Variants in C9 observed in about 807,000 individuals in gnomAD.
C9 encodes complement component C9.
Under a neutral mutation model 65.4 loss-of-function variants are expected in C9, and 63 were observed. The ratio of observed to expected loss-of-function variants is 0.96; its 90% CI spans 0.79 to 1.19. C9 has a LOEUF of 1.19. C9 is among the 50% of genes most tolerant of loss of function. The probability of loss-of-function intolerance (pLI) is 0.00; values close to 1 mark genes in which losing one functional copy is unlikely to be tolerated. For synonymous variants in C9, 229 were observed against 227.9 expected, an observed-to-expected ratio of 1.00 and a Z score of -0.04; for missense variants, 744 against 670.1, an observed-to-expected ratio of 1.11 and a Z score of -1.22.
chr5:39,315,751 C>G, intron 6 of C9, 24 bp downstream of exon 6: 1 of 1,535,002 alleles, frequency 6.5e-7, no homozygotes, highest in Non-Finnish European at 9.0e-7. Flanking sequence ...TTTCTATATT[C>G]CTATATTAAC....
intron 10 of C9, 29 bp downstream of exon 10, chr5:39,288,694 T>C (rs1463574436): frequency 2.3e-6 from 3 of 1,315,960 alleles, no homozygotes; most frequent in Non-Finnish European, 3.3e-6. Flanking sequence ...TATTTTTGTC[T>C]TTAATCACAT....
intron 9 of C9, among the ~76,000 whole-genome samples, chr5:39,292,348 CA>C (rs570308683): frequency 4.8e-4 from 71 of 149,038 alleles, no homozygotes; most frequent in African/African-American, 1.6e-3. Flanking sequence ...CAAAACAAAA[CA>C]AAAAAAAATC....
At chr5:39,347,805 C>T (rs1579876649) in intron 1 of C9, among the ~76,000 whole-genome samples, 2 of 152,268 alleles carry the variant, frequency 1.3e-5, no homozygotes, top group South Asian at 4.1e-4. Context: ...CAGCATGGTA[C>T]TGGTACCAAA....
In C9 at chr5:39,354,796, A is replaced by G. The variant is rs1010603698; in HGVS notation, c.77+9592T>C. 3.3e-5 allele frequency among the ~76,000 whole-genome samples: 5 copies of G among 152,232 alleles called. No individual in the cohort carries two copies. In the South Asian group the frequency reaches 8.3e-4, roughly 25 times the overall value. On this transcript the variant is annotated intron_variant, in intron 1 of 10. Coordinates refer to ENST00000263408, the MANE Select transcript of C9 (RefSeq NM_001737.5). ...CCCCCTGCATAGCTAATAATAGGAA[A>G]TTAATAAATATTTGATGAATGAATA...
chr5:39,335,699 G>A (rs1233163646), intron 4 of C9, among the ~76,000 whole-genome samples: 1 of 152,178 alleles, frequency 6.6e-6, no homozygotes, highest in African/African-American at 2.4e-5. Context: ...ATCCCTGATG[G>A]GTAGAAAGGG....
In C9 at chr5:39,301,923, T is replaced by C. The variant is rs866839098; in HGVS notation, c.1416+4694A>G. On this transcript the variant is annotated intron_variant, in intron 9 of 10. Coordinates refer to ENST00000263408, the MANE Select transcript of C9 (RefSeq NM_001737.5). ...AGAAGGAAACCTCTCACCAACATTG[T>C]CACATTGGCACAAACAACATAGGCA... is the stretch of plus-strand genomic sequence containing the variant. Among the ~76,000 whole-genome samples the C allele has an allele frequency of 6.6e-5, 10 of 152,230 alleles. No homozygotes were observed. The South Asian group carries it at 8.3e-4, about 13-fold the overall frequency.
rs183108180 is a variant in C9, at chr5:39,285,162, T to C, written c.*37A>G. 3.7e-5 allele frequency: 58 copies of C among 1,588,136 alleles called. No homozygotes were observed. In the East Asian group the frequency reaches 1.1e-3, roughly 31 times the overall value. ...GGGTAGGATCTGAAGGTACTAGTGT[T>C]TTCTTCTTCCACTGGAGCTCAGAGA... On this transcript the variant is annotated 3_prime_UTR_variant, in exon 11 of 11. Transcript: ENST00000263408.
At chr5:39,311,918 A>C (rs2111888578) in intron 6 of C9, among the ~76,000 whole-genome samples, 1 of 152,350 alleles carries the variant, frequency 6.6e-6, no homozygotes, top group South Asian at 2.1e-4. Context: ...ACTGAGTAAA[A>C]GAAGTCAGAC....
At chr5:39,305,831 C>G (rs1347321668) in intron 9 of C9, among the ~76,000 whole-genome samples, 1 of 152,006 alleles carries the variant, frequency 6.6e-6, no homozygotes, top group Non-Finnish European at 1.5e-5. Flanking sequence ...CACCGTTAGT[C>G]TTATTTTCTT....
chr5:39,306,797 G>A lies in C9; in HGVS notation c.1241-5C>T, dbSNP rs1403253662. 3.7e-6 allele frequency: 6 copies of A among 1,603,294 alleles called. No individual in the cohort carries two copies. In the African/African-American group the frequency reaches 4.0e-5, roughly 11 times the overall value. ...GGTTTTCACTGGTGATGTTTACTGA[G>A]GAGAGAAGGAAGATTTAAAGAGAAG... is the stretch of plus-strand genomic sequence containing the variant. On this transcript the variant is annotated splice_polypyrimidine_tract_variant and splice_region_variant and intron_variant, in intron 8 of 10. Coordinates refer to ENST00000263408, the MANE Select transcript of C9 (RefSeq NM_001737.5).
intron 1 of C9, among the ~76,000 whole-genome samples, chr5:39,357,991 G>A (rs935791612): frequency 6.6e-6 from 1 of 152,036 alleles, no homozygotes; most frequent in Non-Finnish European, 1.5e-5. Flanking sequence ...TATTCCTAAA[G>A]ACACCCAGTT....
chr5:39,294,939 CA>C (rs750401133), intron 9 of C9, among the ~76,000 whole-genome samples: 2 of 151,690 alleles, frequency 1.3e-5, no homozygotes, highest in Non-Finnish European at 3.0e-5. Context: ...AACATCACAT[CA>C]GCAAAATTAT....
At chr5:39,364,287 CATGTGGATTAACATTG>C in intron 1 of C9, 85 bp downstream of exon 1, 1 of 741,420 alleles carries the variant, frequency 1.3e-6, no homozygotes, top group Non-Finnish European at 2.5e-6. Context: ...TGTATATTGC[CATGTGGATTAACATTG>C]TCATGTACTT....
intron 1 of C9, among the ~76,000 whole-genome samples, chr5:39,342,799 A>C (rs1181427672): frequency 6.6e-6 from 1 of 152,092 alleles, no homozygotes; most frequent in Non-Finnish European, 1.5e-5. Context: ...TTAACATCAT[A>C]TATTTTGGCA....
intron 7 of C9, among the ~76,000 whole-genome samples, chr5:39,309,607 G>A (rs1352880105): frequency 6.6e-6 from 1 of 152,142 alleles, no homozygotes; most frequent in Non-Finnish European, 1.5e-5. Flanking sequence ...AGATGAGGGT[G>A]AAAGATAACC....
rs141625765 is a variant in C9 at position 39,315,994 on chromosome 5, G to T, written c.651C>A (p.Tyr217Ter). The part of the protein sequence containing the change: ...KGEKNFRTEH[Y>*]EEQIEAFKSI... ...TTTTAAATGCTTCAATTTGTTCTTC[G>T]TAATGTTCGGTTCTGAAATTTTTCT... Residue 217 changes from tyrosine to a stop codon, truncating the protein, a stop_gained, in exon 6 of 11, where the codon TAC becomes TAA. Transcript: ENST00000263408. LOFTEE classifies it high-confidence loss of function. 1.9e-6 allele frequency: 3 copies of T among 1,611,966 alleles called. No homozygotes were observed. The highest frequency in any genetic ancestry group is 2.5e-6 in the Non-Finnish European group (3 of 1,178,680).
intron 5 of C9, among the ~76,000 whole-genome samples, chr5:39,331,428 T>G (rs150718758): frequency 6.6e-6 from 1 of 152,320 alleles, no homozygotes; most frequent in Non-Finnish European, 1.5e-5. Context: ...TGTTAGATCC[T>G]GAGATAATTC....
At chr5:39,326,372 T>A (rs996424320) in intron 5 of C9, among the ~76,000 whole-genome samples, 1 of 152,224 alleles carries the variant, frequency 6.6e-6, no homozygotes, top group Non-Finnish European at 1.5e-5. Context: ...GGATTTTATC[T>A]CTTCTTCTTC....
intron 5 of C9, among the ~76,000 whole-genome samples, chr5:39,321,151 T>C (rs1177404916): frequency 6.6e-6 from 1 of 152,094 alleles, no homozygotes; most frequent in Non-Finnish European, 1.5e-5. Context: ...ACCATATTGA[T>C]GATGTACAAA....
Sources: gnomAD v4.1 joint callset for allele counts (sites outside exome capture counted in the v4.1 genomes callset) on GRCh38, gnomAD v4.1.1 for gene constraint, MANE v1.5 for transcripts, NCBI Gene and HGNC (gene_info 2026-07-23, HGNC 2026-07-21) for gene names.